TDRP: variants seen among roughly 807,000 people sequenced by gnomAD.
TDRP encodes the protein testis development-related protein.
A neutral mutation model predicts 10.5 loss-of-function variants in TDRP; 12 were observed. That is an observed-to-expected ratio of 1.15 (90% CI 0.73 to 1.86). The LOEUF is 1.86. Among genes scored for constraint, TDRP ranks in the 40% most tolerant of loss-of-function variants. The pLI is 0.00. For missense variants in TDRP, 353 were observed against 229.2 expected, an observed-to-expected ratio of 1.54 and a Z score of -3.49; for synonymous variants, 139 against 95.4, an observed-to-expected ratio of 1.46 and a Z score of -2.67.
At chr8:532,271 G>A (rs566083716) in intron 1 of TDRP, among the ~76,000 whole-genome samples, 1 of 152,324 alleles carries the variant, frequency 6.6e-6, no homozygotes, top group Admixed American at 6.5e-5. Context: ...GCCTTGCAGG[G>A]TGAAGGATGC....
intron 1 of TDRP, among the ~76,000 whole-genome samples, chr8:529,261 C>T (rs1354862935): frequency 2.0e-5 from 3 of 151,936 alleles, no homozygotes; most frequent in Non-Finnish European, 4.4e-5. Flanking sequence ...CATCACATCC[C>T]CTAAATATAC....
chr8:528,835 GTGTGTGTATATA>G (rs1802106519), intron 1 of TDRP, among the ~76,000 whole-genome samples: 1 of 149,872 alleles, frequency 6.7e-6, no homozygotes, highest in Admixed American at 6.6e-5. Context: ...GTGTATATAT[GTGTGTGTATATA>G]TGTGTGTGTG....
chr8:523,814 G>C (rs894412899), intron 1 of TDRP, among the ~76,000 whole-genome samples: 1 of 152,154 alleles, frequency 6.6e-6, no homozygotes, highest in Non-Finnish European at 1.5e-5. Context: ...TGAGGTTTCT[G>C]ACTCCAGGCC....
intron 1 of TDRP, among the ~76,000 whole-genome samples, chr8:539,756 G>A (rs57186097): frequency 1.3e-5 from 2 of 152,088 alleles, no homozygotes; most frequent in African/African-American, 4.8e-5. Context: ...TCGTCAATAC[G>A]TTACTCCACT....
intron 1 of TDRP, among the ~76,000 whole-genome samples, chr8:534,325 G>T (rs1322396567): frequency 6.6e-6 from 1 of 152,170 alleles, no homozygotes; most frequent in East Asian, 1.9e-4. Flanking sequence ...TGCTGTTAAG[G>T]GAAACACAAG....
Position 491,316 on chromosome 8 carries a change from T to G in TDRP, c.*1083A>C. 1 of 312,262 alleles carries G rather than the reference T, an allele frequency of 3.2e-6. No homozygotes were observed. Among genetic ancestry groups the G allele is most frequent in the Non-Finnish European group, 5.8e-6 (1 of 172,372 alleles). The allele number at this position is 312,262 out of a possible 1,614,324, so 19.3% of individuals were successfully genotyped here. The stretch of plus-strand genomic sequence containing the variant: ...AAATATACCTTTTCTTTCAAACCAC[T>G]TTTATCTAAGAGATATCTGCAGGAC... On this transcript the variant is annotated 3_prime_UTR_variant, in exon 3 of 3. Coordinates refer to ENST00000324079, the MANE Select transcript of TDRP (RefSeq NM_001384899.1).
intron 1 of TDRP, among the ~76,000 whole-genome samples, chr8:496,032 G>A (rs537197741): frequency 6.6e-6 from 1 of 152,354 alleles, no homozygotes; most frequent in East Asian, 1.9e-4. Flanking sequence ...TGGGATAGGA[G>A]TATGATGGCA....
intron 1 of TDRP, among the ~76,000 whole-genome samples, chr8:539,087 T>G (rs2116876918): frequency 6.6e-6 from 1 of 152,362 alleles, no homozygotes; most frequent in East Asian, 1.9e-4. Context: ...TTTCAATTTG[T>G]ATTTAAAATC....
chr8:506,307 G>C (rs1563120292), intron 1 of TDRP, among the ~76,000 whole-genome samples: 2 of 152,152 alleles, frequency 1.3e-5, no homozygotes, highest in African/African-American at 4.8e-5. Context: ...TACCCTCCCA[G>C]CTCGGCAGCG....
intron 1 of TDRP, among the ~76,000 whole-genome samples, chr8:528,045 C>G (rs1251157691): frequency 6.6e-6 from 1 of 152,088 alleles, no homozygotes; most frequent in Non-Finnish European, 1.5e-5. Context: ...ATAAAAGGTG[C>G]TCAAACACAT....
At chr8:496,203 T>C (rs566678811) in intron 1 of TDRP, among the ~76,000 whole-genome samples, 26 of 152,174 alleles carry the variant, frequency 1.7e-4, no homozygotes, top group Admixed American at 5.2e-4. Flanking sequence ...CAAAAACCGA[T>C]CACACAACCC....
chr8:535,798 G>GCA (rs1802333275), intron 1 of TDRP, among the ~76,000 whole-genome samples: 1 of 139,916 alleles, frequency 7.1e-6, no homozygotes, highest in Non-Finnish European at 1.5e-5. Context: ...GCAGGTCTCA[G>GCA]TGTAGGGGTG....
rs1202526499 is a variant in TDRP at position 534,595 on chromosome 8, G to A, written c.108+10055C>T. On this transcript the variant is annotated intron_variant, in intron 1 of 2. Transcript: ENST00000324079. The stretch of plus-strand genomic sequence containing the variant: ...CTATACTTGGGGGCTGTGAAAAACA[G>A]TGAAATCATACGCAAGCACAAACAT... Among the ~76,000 whole-genome samples, 5 of 152,154 alleles carry A rather than the reference G, an allele frequency of 3.3e-5. No individual in the cohort carries two copies. In the East Asian group the frequency reaches 9.6e-4, roughly 29 times the overall value.
At chr8:517,890 T>TGA (rs1801798733) in intron 1 of TDRP, among the ~76,000 whole-genome samples, 1 of 152,126 alleles carries the variant, frequency 6.6e-6, no homozygotes, top group Non-Finnish European at 1.5e-5. Flanking sequence ...TACAACCAAA[T>TGA]GACATTCTGG....
intron 1 of TDRP, 22 bp downstream of exon 1, chr8:544,628 C>G: frequency 8.1e-7 from 1 of 1,233,484 alleles, no homozygotes; most frequent in Non-Finnish European, 1.0e-6. Context: ...TACTAGCACT[C>G]CCCACCTGCG....
At position 507,046 on chromosome 8, in the gene TDRP, T is replaced by C. The variant is rs1801485680; in HGVS notation, c.109-12449A>G. Among the ~76,000 whole-genome samples, 6 of 152,224 alleles carry C rather than the reference T, an allele frequency of 3.9e-5. No homozygotes were observed. In the South Asian group the frequency reaches 1.0e-3, roughly 26 times the overall value. On this transcript the variant is annotated intron_variant, in intron 1 of 2. Transcript: ENST00000324079. ...GCATGGCTGGGAAGCTTTGGGAAAC[T>C]TACAATCATGGCGGAAGGCAAAGGG...
chr8:506,315 G>C (rs988718248), intron 1 of TDRP, among the ~76,000 whole-genome samples: 1 of 152,170 alleles, frequency 6.6e-6, no homozygotes, highest in African/African-American at 2.4e-5. Context: ...CAGCTCGGCA[G>C]CGGGGGGAGG....
In TDRP at chr8:492,705, C is replaced by T; in HGVS notation, c.252G>A (p.Lys84=). The T allele has an allele frequency of 6.2e-7, 1 of 1,613,740 alleles. No homozygotes were observed. The highest frequency in any genetic ancestry group is 8.5e-7 in the Non-Finnish European group (1 of 1,179,752). ...LRLKEELKAE[K]KSGFWDNLVL... ...CCAAATTGTCCCAAAATCCAGATTT[C>T]TTCTCTGCCTTCAACTCTTCTTTTA... The change falls in exon 3 of 3, where the codon AAG becomes AAA. Residue 84 remains lysine (K), a synonymous_variant. Coordinates refer to ENST00000324079, the MANE Select transcript of TDRP (RefSeq NM_001384899.1).
intron 2 of TDRP, among the ~76,000 whole-genome samples, chr8:494,142 T>TC (rs1801061980): frequency 6.6e-6 from 1 of 151,708 alleles, no homozygotes; most frequent in Non-Finnish European, 1.5e-5. Flanking sequence ...TTTTTTTTTT[T>TC]AGTATAGACG....
Sources: gnomAD v4.1 joint callset for allele counts (sites outside exome capture counted in the v4.1 genomes callset) on GRCh38, gnomAD v4.1.1 for gene constraint, MANE v1.5 for transcripts, NCBI Gene and HGNC (gene_info 2026-07-23, HGNC 2026-07-21) for gene names.